DGKH: variants seen among roughly 807,000 people sequenced by gnomAD.
DGKH encodes DAG kinase eta.
A neutral mutation model predicts 159.3 loss-of-function variants in DGKH; 90 were observed. The ratio of observed to expected loss-of-function variants is 0.57; its 90% CI spans 0.48 to 0.67. The LOEUF is 0.67. Ranked by LOEUF, DGKH falls within the 30% of genes least tolerant of loss-of-function variation. The pLI is 0.00. For missense variants in DGKH, 1,181 were observed against 1,506.1 expected (o/e 0.78, Z 3.57); for synonymous variants, 536 against 553.8 (o/e 0.97, Z 0.45).
At chr13:42,106,541 A>G (rs1229012138) in intron 1 of DGKH, among the ~76,000 whole-genome samples, 3 of 151,982 alleles carry the variant, frequency 2.0e-5, no homozygotes, top group Non-Finnish European at 2.9e-5. Flanking sequence ...AAAAAAGTCT[A>G]CTCTTTTCAA....
intron 24 of DGKH, 105 bp downstream of exon 24, chr13:42,210,870 T>C: frequency 2.0e-6 from 2 of 981,382 alleles, no homozygotes; most frequent in East Asian, 5.2e-5. Flanking sequence ...CAAAAAGAGA[T>C]GCAATTACTC....
At chr13:42,133,614 T>G (rs528196832) in intron 3 of DGKH, among the ~76,000 whole-genome samples, 3 of 152,148 alleles carry the variant, frequency 2.0e-5, no homozygotes, top group Non-Finnish European at 4.4e-5. Context: ...GAGGATCGCT[T>G]GAGCTCTGGA....
At chr13:42,086,148 C>T (rs1338798364) in intron 1 of DGKH, among the ~76,000 whole-genome samples, 1 of 152,116 alleles carries the variant, frequency 6.6e-6, no homozygotes, top group Non-Finnish European at 1.5e-5. Context: ...GAACTCCTGA[C>T]CTCAAGTAAT....
chr13:42,127,362 ATAT>A (rs1406055855), intron 1 of DGKH, 98 bp from the exon 2 acceptor site: 3 of 828,544 alleles, frequency 3.6e-6, no homozygotes, highest in South Asian at 1.6e-5. Flanking sequence ...GACATGAGAA[ATAT>A]TATTCAAAAT....
At chr13:42,063,499 A>G (rs1193286486) in intron 1 of DGKH, among the ~76,000 whole-genome samples, 1 of 152,206 alleles carries the variant, frequency 6.6e-6, no homozygotes, top group Non-Finnish European at 1.5e-5. Context: ...ACTATTGCCG[A>G]TCCATTAGCA....
intron 26 of DGKH, among the ~76,000 whole-genome samples, chr13:42,216,034 T>C (rs1957784919): frequency 2.6e-5 from 4 of 152,252 alleles, no homozygotes; most frequent in African/African-American, 9.6e-5. Flanking sequence ...AATTAGCATT[T>C]GAATATGACT....
intron 29 of DGKH, among the ~76,000 whole-genome samples, chr13:42,249,277 G>A (rs1054541116): frequency 6.6e-6 from 1 of 152,110 alleles, no homozygotes; most frequent in African/African-American, 2.4e-5. Flanking sequence ...GAGAGGCTAA[G>A]GTGGGAGGAC....
exon 30 of DGKH, chr13:42,252,473 C>G (rs1345545342): frequency 6.6e-6 from 1 of 152,194 alleles, no homozygotes; most frequent in East Asian, 1.9e-4. Flanking sequence ...ACTTCAATTC[C>G]TTTAGGAGGT....
In DGKH at chr13:42,229,208, TG is replaced by T. The variant is rs752669177; in HGVS notation, c.*22del. 51 of 1,595,464 alleles carry T rather than the reference TG, an allele frequency of 3.2e-5. No homozygotes were observed. The highest frequency in any genetic ancestry group is 4.2e-5 in the Non-Finnish European group (49 of 1,172,338). On this transcript the variant is annotated 3_prime_UTR_variant, in exon 30 of 30. Transcript: ENST00000337343. ...GTGTAATCATATTGGTGCTATTTCTTGGAAGAGAAGTTATTGCCACTTAATA... is the reference window on the plus strand; with the variant it reads ...GTGTAATCATATTGGTGCTATTTCTTGAAGAGAAGTTATTGCCACTTAATA...
At chr13:42,115,258 C>G (rs1054246115) in intron 1 of DGKH, among the ~76,000 whole-genome samples, 4 of 152,124 alleles carry the variant, frequency 2.6e-5, no homozygotes, top group African/African-American at 9.7e-5. Flanking sequence ...AAGTTTTAAT[C>G]GTTTAATTTC....
At chr13:42,173,071 A>T (rs1218032039) in intron 11 of DGKH, among the ~76,000 whole-genome samples, 1 of 152,122 alleles carries the variant, frequency 6.6e-6, no homozygotes, top group East Asian at 1.9e-4. Flanking sequence ...TCCCAGGCTC[A>T]AGTGATCCTC....
At chr13:42,251,690 C>T (rs1566239872) in intron 29 of DGKH, among the ~76,000 whole-genome samples, 1 of 152,166 alleles carries the variant, frequency 6.6e-6, no homozygotes, top group East Asian at 1.9e-4. Context: ...CCTCCACTAC[C>T]ACCTCGTATT....
Position 42,155,682 on chromosome 13 carries a change from G to A in DGKH, c.505G>A (p.Val169Met). ...REPYEVAQFN[V>M]EHFSGMHNWY... ...TCATTTCTAGGTGGCCCAGTTTAAT[G>A]TGGAACATTTCTCAGGGATGCACAA... Residue 169 changes from valine (V) to methionine (M), a missense_variant, in exon 5 of 30, where the codon GTG (valine) becomes ATG (methionine). Val to Met is a conservative substitution (Grantham distance 21). Around this residue, in one of 5 missense-constraint regions of DGKH, gnomAD observed 369 missense variants for 519.4 expected, o/e 0.71. Coordinates refer to ENST00000337343, the MANE Select transcript of DGKH (RefSeq NM_178009.5). 1 of 1,614,152 alleles carries A rather than the reference G, an allele frequency of 6.2e-7. No homozygotes were observed.
In DGKH at chr13:42,155,334, G is replaced by C. The variant is rs769296210; in HGVS notation, c.428G>C (p.Arg143Thr). ...AGGCTAATGCTGTGTGCTGAGAACA[G>C]AAAGGAGATGGAGGATTGGATCAGC... Reference protein sequence around the residue: ...FRRLMLCAENRKEMEDWISSL... With the variant: ...FRRLMLCAENTKEMEDWISSL... Residue 143 changes from arginine to threonine, a missense_variant, in exon 4 of 30, where the codon AGA (arginine) becomes ACA (threonine). Arg to Thr is a moderately conservative substitution (Grantham distance 71). Coordinates refer to ENST00000337343, the MANE Select transcript of DGKH (RefSeq NM_178009.5). 6.2e-7 allele frequency: 1 copy of C among 1,612,868 alleles called. No individual in the cohort carries two copies. Among genetic ancestry groups the C allele is most frequent in the Non-Finnish European group, 8.5e-7 (1 of 1,179,746 alleles).
rs1313067570 is a variant in DGKH, at chr13:42,151,505, G to GTATATATATA, written c.385-3782_385-3781insTATATATATA. ...TGTGTGTGTGTGTGTGTGTGTGTGTGTATACACATGTATATATATACACGT... is the reference window on the plus strand; with the variant it reads ...TGTGTGTGTGTGTGTGTGTGTGTGTGTATATATATATATACACATGTATATATATACACGT... On this transcript the variant is annotated intron_variant, in intron 3 of 29. Coordinates refer to ENST00000337343, the MANE Select transcript of DGKH (RefSeq NM_178009.5). Among the ~76,000 whole-genome samples the GTATATATATA allele has an allele frequency of 1.9e-3, 147 of 79,250 alleles. 5 individuals carry two copies. The East Asian group carries it at 0.052, about 28-fold the overall frequency. The allele number at this position is 79,250 out of a possible 152,430, so 52.0% of individuals were successfully genotyped here. A position where few individuals can be genotyped will look rare whatever the true frequency, so the allele number is the denominator to read the frequency against.
At chr13:42,139,806 T>C (rs1352877356) in intron 3 of DGKH, among the ~76,000 whole-genome samples, 1 of 152,148 alleles carries the variant, frequency 6.6e-6, no homozygotes, top group African/African-American at 2.4e-5. Flanking sequence ...TTTTAAAAAG[T>C]TTTTGCTTGA....
At chr13:42,041,442 A>C (rs1482269775) in intron 1 of DGKH, among the ~76,000 whole-genome samples, 1 of 152,194 alleles carries the variant, frequency 6.6e-6, no homozygotes, top group Admixed American at 6.5e-5. Flanking sequence ...TGGAGGGTGC[A>C]ACGGGTTTTG....
At chr13:42,098,225 G>T (rs1282657187) in intron 1 of DGKH, among the ~76,000 whole-genome samples, 3 of 152,168 alleles carry the variant, frequency 2.0e-5, no homozygotes, top group Non-Finnish European at 2.9e-5. Context: ...GGTGCCTCAT[G>T]CCTGTAATCC....
chr13:42,170,424 AAAAT>A (rs1956420760), intron 11 of DGKH, among the ~76,000 whole-genome samples: 1 of 152,186 alleles, frequency 6.6e-6, no homozygotes, highest in Non-Finnish European at 1.5e-5. Flanking sequence ...AAAAAAATTA[AAAAT>A]AAATAAATAA....
Sources: allele counts gnomAD v4.1 joint callset (sites outside exome capture counted in the v4.1 genomes callset), GRCh38; gene constraint gnomAD v4.1.1; regional missense constraint gnomAD v4.1.1; transcripts MANE v1.5; gene names NCBI Gene and HGNC (gene_info 2026-07-23, HGNC 2026-07-21).